The following GALNTL6 variants were observed in gnomAD, a reference collection of about 807,000 sequenced individuals.
GALNTL6 encodes the protein polypeptide N-acetylgalactosaminyltransferase-like 6.
Under a neutral mutation model 73.7 loss-of-function variants are expected in GALNTL6, and 46 were observed. That is an observed-to-expected ratio of 0.62 (90% CI 0.49 to 0.80). GALNTL6 has a LOEUF of 0.80. GALNTL6 is among the 30% of genes least tolerant of loss of function. GALNTL6 has a pLI of 0.00. For synonymous variants in GALNTL6, 259 were observed against 263.7 expected (o/e 0.98, Z 0.17); for missense variants, 604 against 755.0 (o/e 0.80, Z 2.34).
chr4:171,892,453 T>A (rs1736789588), intron 2 of GALNTL6, among the ~76,000 whole-genome samples: 2 of 152,216 alleles, frequency 1.3e-5, no homozygotes, highest in Admixed American at 1.3e-4. Context: ...AAATATCCCT[T>A]ACAAATGCCA....
chr4:172,350,351 AG>A (rs1250735064), intron 5 of GALNTL6, among the ~76,000 whole-genome samples: 1 of 152,174 alleles, frequency 6.6e-6, no homozygotes, highest in African/African-American at 2.4e-5. Flanking sequence ...GCCTTTGAAA[AG>A]GTTGAAAATA....
At chr4:171,829,747 T>G (rs990734764) in intron 2 of GALNTL6, among the ~76,000 whole-genome samples, 14 of 152,118 alleles carry the variant, frequency 9.2e-5, no homozygotes, top group African/African-American at 3.4e-4. Flanking sequence ...TCAGGTAGTT[T>G]ATTCTCTATT....
At chr4:172,783,013 C>A (rs530400052) in intron 5 of GALNTL6, among the ~76,000 whole-genome samples, 1 of 152,036 alleles carries the variant, frequency 6.6e-6, no homozygotes, top group South Asian at 2.1e-4. Context: ...TGGTGATCAG[C>A]TAAAGTGTGT....
intron 5 of GALNTL6, among the ~76,000 whole-genome samples, chr4:172,750,720 G>A (rs1221468582): frequency 3.9e-5 from 6 of 152,042 alleles, no homozygotes; most frequent in Non-Finnish European, 7.4e-5. Context: ...TTTGCTTCAA[G>A]GTCAAACATA....
chr4:172,959,877 G>A (rs1300225703), intron 10 of GALNTL6, among the ~76,000 whole-genome samples: 3 of 152,222 alleles, frequency 2.0e-5, no homozygotes, highest in African/African-American at 7.2e-5. Context: ...CCTGCCTGCT[G>A]CGGTTTAGGC....
chr4:172,417,576 G>A (rs751611142), intron 5 of GALNTL6, among the ~76,000 whole-genome samples: 1 of 152,032 alleles, frequency 6.6e-6, no homozygotes, highest in African/African-American at 2.4e-5. Flanking sequence ...TTGAACCCAG[G>A]AGACAGAGGT....
At chr4:172,524,160 T>C (rs1734875054) in intron 5 of GALNTL6, among the ~76,000 whole-genome samples, 1 of 152,210 alleles carries the variant, frequency 6.6e-6, no homozygotes, top group African/African-American at 2.4e-5. Context: ...GTGGACACTT[T>C]TGCTCAGCAT....
chr4:172,497,469 A>C (rs1219751031), intron 5 of GALNTL6, among the ~76,000 whole-genome samples: 3 of 152,218 alleles, frequency 2.0e-5, no homozygotes, highest in African/African-American at 7.2e-5. Context: ...AAAACAACAA[A>C]GCTTGAAAAA....
intron 2 of GALNTL6, among the ~76,000 whole-genome samples, chr4:171,844,923 A>G (rs989841816): frequency 1.3e-5 from 2 of 152,148 alleles, no homozygotes; most frequent in African/African-American, 4.8e-5. Context: ...ATTTCAAACA[A>G]TCAGCATGAA....
At chr4:172,087,598 C>G (rs188371423) in intron 2 of GALNTL6, among the ~76,000 whole-genome samples, 27 of 151,888 alleles carry the variant, frequency 1.8e-4, no homozygotes, top group Non-Finnish European at 2.5e-4. Context: ...AGTATGTCAC[C>G]ATTATGAGGA....
intron 10 of GALNTL6, among the ~76,000 whole-genome samples, chr4:173,003,926 T>C (rs1248699981): frequency 6.6e-6 from 1 of 152,210 alleles, no homozygotes; most frequent in African/African-American, 2.4e-5. Context: ...GAGTAATGTC[T>C]CCCTGATATA....
intron 5 of GALNTL6, among the ~76,000 whole-genome samples, chr4:172,559,365 A>G (rs1260459145): frequency 1.3e-5 from 2 of 152,078 alleles, no homozygotes; most frequent in East Asian, 3.9e-4. Context: ...CAGTTTGAGA[A>G]CATGTGATAA....
chr4:171,898,305 T>G (rs754052319), intron 2 of GALNTL6, among the ~76,000 whole-genome samples: 10 of 152,140 alleles, frequency 6.6e-5, no homozygotes, highest in Non-Finnish European at 1.3e-4. Flanking sequence ...TTGAAGTAGT[T>G]TGACATTTAA....
intron 5 of GALNTL6, among the ~76,000 whole-genome samples, chr4:172,457,376 T>C (rs1732436953): frequency 6.6e-6 from 1 of 152,138 alleles, no homozygotes; most frequent in African/African-American, 2.4e-5. Context: ...TAACCTTAAA[T>C]ATAAATGGGC....
At chr4:172,864,326 C>A (rs1201142488) in intron 7 of GALNTL6, among the ~76,000 whole-genome samples, 1 of 152,182 alleles carries the variant, frequency 6.6e-6, no homozygotes, top group Non-Finnish European at 1.5e-5. Flanking sequence ...TCATAGCATT[C>A]ATCAATGCTT....
chr4:172,638,519 C>T (rs1739803976), intron 5 of GALNTL6, among the ~76,000 whole-genome samples: 1 of 152,066 alleles, frequency 6.6e-6, no homozygotes, highest in Non-Finnish European at 1.5e-5. Context: ...CTCTCTGGTA[C>T]CTCAATGACA....
At chr4:172,270,205 A>ATG (rs1196353126) in intron 3 of GALNTL6, among the ~76,000 whole-genome samples, 1 of 150,942 alleles carries the variant, frequency 6.6e-6, no homozygotes, top group African/African-American at 2.4e-5. Flanking sequence ...GTGTGTGTAT[A>ATG]TGTGTGTGTG....
chr4:172,095,837 G>C (rs555852892), intron 2 of GALNTL6, among the ~76,000 whole-genome samples: 4 of 151,682 alleles, frequency 2.6e-5, no homozygotes, highest in African/African-American at 4.8e-5. Flanking sequence ...TCCCCACCTA[G>C]AATTATTTTT....
chr4:172,942,515 G>T (rs914479795), intron 9 of GALNTL6, among the ~76,000 whole-genome samples: 1 of 152,146 alleles, frequency 6.6e-6, no homozygotes, highest in Non-Finnish European at 1.5e-5. Flanking sequence ...TTATACCTAA[G>T]TTGTGATGAC....
Sources: allele counts gnomAD v4.1 joint callset (sites outside exome capture counted in the v4.1 genomes callset), GRCh38; gene constraint gnomAD v4.1.1; transcripts MANE v1.5; gene names NCBI Gene and HGNC (gene_info 2026-07-23, HGNC 2026-07-21).